EXOC4: variants seen among roughly 807,000 people sequenced by gnomAD.
EXOC4 encodes SEC8-like 1.
Under a neutral mutation model 107.2 loss-of-function variants are expected in EXOC4, and 71 were observed. That is an observed-to-expected ratio of 0.66 (90% CI 0.55 to 0.81). The LOEUF (loss-of-function observed/expected upper bound fraction) is 0.81, where lower values mean the gene tolerates loss of function less well. Ranked by LOEUF, EXOC4 falls within the 30% of genes least tolerant of loss-of-function variation. The pLI is 0.00. For missense variants in EXOC4, 1,108 were observed against 1,189.6 expected, an observed-to-expected ratio of 0.93 and a Z score of 1.01; for synonymous variants, 456 against 441.2, an observed-to-expected ratio of 1.03 and a Z score of -0.42.
At chr7:133,353,764 C>T (rs900459802) in intron 5 of EXOC4, among the ~76,000 whole-genome samples, 32 of 152,138 alleles carry the variant, frequency 2.1e-4, no homozygotes, top group South Asian at 6.2e-4. Flanking sequence ...AGAGCTCCCA[C>T]AATGTCTAAA....
chr7:133,984,194 G>C (rs1794062305), intron 14 of EXOC4, among the ~76,000 whole-genome samples: 1 of 152,206 alleles, frequency 6.6e-6, no homozygotes, highest in Admixed American at 6.5e-5. Context: ...TGAGTAACCA[G>C]ATGCAATTTT....
At chr7:133,764,269 C>A (rs1386470026) in intron 10 of EXOC4, among the ~76,000 whole-genome samples, 1 of 152,046 alleles carries the variant, frequency 6.6e-6, no homozygotes, top group African/African-American at 2.4e-5. Context: ...CAAACTTTTT[C>A]AAGAAGTGCT....
At chr7:133,263,155 A>T (rs1793615853) in intron 1 of EXOC4, among the ~76,000 whole-genome samples, 1 of 152,120 alleles carries the variant, frequency 6.6e-6, no homozygotes, top group African/African-American at 2.4e-5. Context: ...TTTATAAATT[A>T]CCTAGTCTCA....
chr7:133,626,529 C>T (rs1802459687), intron 9 of EXOC4, among the ~76,000 whole-genome samples: 1 of 152,020 alleles, frequency 6.6e-6, no homozygotes, highest in Non-Finnish European at 1.5e-5. Context: ...ATATGAGGTT[C>T]CTGTAGGTGG....
chr7:133,748,532 T>A (rs1017278291), intron 10 of EXOC4, among the ~76,000 whole-genome samples: 3 of 152,184 alleles, frequency 2.0e-5, no homozygotes, highest in African/African-American at 7.2e-5. Context: ...GAAGGACTTA[T>A]GGAACCTTAG....
chr7:133,503,872 C>T (rs1799620329), intron 9 of EXOC4, among the ~76,000 whole-genome samples: 1 of 151,792 alleles, frequency 6.6e-6, no homozygotes, highest in Non-Finnish European at 1.5e-5. Flanking sequence ...TGACACCCAG[C>T]AGTGTCTTCA....
chr7:133,956,189 T>G (rs1189622378), intron 14 of EXOC4, among the ~76,000 whole-genome samples: 1 of 152,226 alleles, frequency 6.6e-6, no homozygotes, highest in Non-Finnish European at 1.5e-5. Flanking sequence ...GTTCTTTTTT[T>G]TTTCTTTGTT....
chr7:133,710,626 C>G (rs1207276475), intron 10 of EXOC4, among the ~76,000 whole-genome samples: 1 of 145,202 alleles, frequency 6.9e-6, no homozygotes, highest in African/African-American at 2.6e-5. Flanking sequence ...CGCCACTGCA[C>G]TCCAGCCTGG....
chr7:133,639,291 T>C (rs1405434337), intron 10 of EXOC4, among the ~76,000 whole-genome samples: 1 of 152,128 alleles, frequency 6.6e-6, no homozygotes, highest in Non-Finnish European at 1.5e-5. Flanking sequence ...TCTTTCCGAT[T>C]TGTTCTGTTT....
intron 9 of EXOC4, among the ~76,000 whole-genome samples, chr7:133,621,372 T>G (rs919253325): frequency 5.3e-4 from 79 of 147,850 alleles, no homozygotes; most frequent in African/African-American, 1.9e-3. Flanking sequence ...GTTGTTGAAC[T>G]ACAAAAAAAA....
intron 10 of EXOC4, among the ~76,000 whole-genome samples, chr7:133,787,091 A>G (rs942360526): frequency 5.3e-5 from 8 of 152,010 alleles, no homozygotes; most frequent in Admixed American, 3.3e-4. Flanking sequence ...AATAACAACA[A>G]TAATGATAAG....
Position 133,480,054 on chromosome 7 carries a change from G to A in EXOC4, c.1333G>A (p.Glu445Lys), listed in dbSNP as rs1032578634. ...TTCCCCTGTGTTTCTCTGCAGGTTC[G>A]AATCGTCCTCCCATGCCATCAGTAT... ...QRPKNSLFKF[E>K]SSSHAISMSA... Residue 445 changes from glutamate (E) to lysine (K), a missense_variant, in exon 9 of 18, where the codon GAA (glutamate) becomes AAA (lysine). Coordinates refer to ENST00000253861, the MANE Select transcript of EXOC4 (RefSeq NM_021807.4). The A allele has an allele frequency of 3.7e-6, 6 of 1,613,758 alleles. No homozygotes were observed. The highest frequency in any genetic ancestry group is 1.7e-5 in the Admixed American group (1 of 60,004).
At chr7:133,763,755 T>TTTTTG (rs1221256926) in intron 10 of EXOC4, among the ~76,000 whole-genome samples, 3 of 151,514 alleles carry the variant, frequency 2.0e-5, no homozygotes, top group Non-Finnish European at 4.4e-5. Context: ...GAAATTATAG[T>TTTTTG]TTTTGTTTTG....
intron 7 of EXOC4, among the ~76,000 whole-genome samples, chr7:133,450,819 C>A (rs1379229490): frequency 6.6e-6 from 1 of 152,138 alleles, no homozygotes; most frequent in Non-Finnish European, 1.5e-5. Context: ...TTTGTATTTA[C>A]AGTATTTTAC....
At chr7:133,374,538 C>T (rs773311896) in intron 6 of EXOC4, among the ~76,000 whole-genome samples, 7 of 152,104 alleles carry the variant, frequency 4.6e-5, no homozygotes, top group South Asian at 2.1e-4. Flanking sequence ...TATGTTAAAA[C>T]GGCAACATAT....
At chr7:133,977,211 C>A (rs1793857000) in intron 14 of EXOC4, among the ~76,000 whole-genome samples, 1 of 152,186 alleles carries the variant, frequency 6.6e-6, no homozygotes, top group Non-Finnish European at 1.5e-5. Flanking sequence ...ACATCTTTAA[C>A]CTGGGATTCT....
At chr7:133,523,510 T>TA (rs1437500911) in intron 9 of EXOC4, among the ~76,000 whole-genome samples, 11 of 151,894 alleles carry the variant, frequency 7.2e-5, no homozygotes, top group Non-Finnish European at 1.5e-4. Flanking sequence ...GTTACATACG[T>TA]ATACATGTGC....
At chr7:133,698,391 G>A (rs1251687120) in intron 10 of EXOC4, among the ~76,000 whole-genome samples, 1 of 152,000 alleles carries the variant, frequency 6.6e-6, no homozygotes, top group African/African-American at 2.4e-5. Flanking sequence ...CTTGAGCCCA[G>A]GAGTTGAAGA....
chr7:133,533,231 GA>G, intron 9 of EXOC4, among the ~76,000 whole-genome samples: 1 of 152,048 alleles, frequency 6.6e-6, no homozygotes, highest in East Asian at 1.9e-4. Flanking sequence ...TAGTAACAAA[GA>G]AAACCTGAAT....
Sources: allele counts gnomAD v4.1 joint callset (sites outside exome capture counted in the v4.1 genomes callset), GRCh38; gene constraint gnomAD v4.1.1; transcripts MANE v1.5; gene names NCBI Gene and HGNC (gene_info 2026-07-23, HGNC 2026-07-21).